TRIM51G: variants seen among roughly 807,000 people sequenced by gnomAD.
The protein encoded by TRIM51G is tripartite motif-containing 51G.
At chr11:48,977,166 G>T in the TRIM51G span, 29 of 1,320,060 alleles carry the variant, frequency 2.2e-5, no homozygotes, top group South Asian at 2.7e-4. Flanking sequence ...GACACTTGCA[G>T]CAGCAGGGAC....
chr11:48,976,963 C>G, the TRIM51G span: 10 of 571,052 alleles, frequency 1.8e-5, no homozygotes, highest in Non-Finnish European at 3.2e-5. Context: ...AGTGTTGTAT[C>G]GTCATATGGT....
chr11:48,976,059 G>A, the TRIM51G span: 5 of 390,422 alleles, frequency 1.3e-5, no homozygotes, highest in African/African-American at 6.3e-5. Context: ...GAATTCTTGA[G>A]GGAAAAGTTG....
chr11:48,975,883 G>T, the TRIM51G span: 2 of 840,848 alleles, frequency 2.4e-6, no homozygotes, highest in South Asian at 1.3e-5. Flanking sequence ...AAAACATTCA[G>T]ATTTATCAGT....
chr11:48,978,281 G>A, the TRIM51G span: 95,941 of 435,106 alleles, frequency 0.22, 12,568 homozygotes, highest in South Asian at 0.42. Context: ...CTCCTGGAAA[G>A]CATTTTCTGT....
the TRIM51G span, chr11:48,981,381 T>G: frequency 1.2e-6 from 2 of 1,607,790 alleles, no homozygotes; most frequent in Non-Finnish European, 1.7e-6. Context: ...TCTTGTCCAC[T>G]TCACAGAACA....
At chr11:48,981,033 G>A in the TRIM51G span, 5 of 655,602 alleles carry the variant, frequency 7.6e-6, no homozygotes, top group Non-Finnish European at 1.4e-5. Flanking sequence ...AAGCACAAGT[G>A]AAGACAATAA....
the TRIM51G span, among the ~76,000 whole-genome samples, chr11:48,976,779 G>C: frequency 6.6e-6 from 1 of 151,830 alleles, no homozygotes; most frequent in Non-Finnish European, 1.5e-5. Context: ...TGTAACCTTG[G>C]ATTATTAAGC....
the TRIM51G span, chr11:48,977,105 T>A: frequency 8.7e-7 from 1 of 1,155,084 alleles, no homozygotes; most frequent in Middle Eastern, 2.0e-4. Context: ...CTTGAGCCTG[T>A]CCATCAGTCC....
At chr11:48,982,394 T>TTA in the TRIM51G span, among the ~76,000 whole-genome samples, 4 of 152,098 alleles carry the variant, frequency 2.6e-5, no homozygotes, top group Non-Finnish European at 4.4e-5. Flanking sequence ...TTACAGTTAA[T>TTA]TATAGGTGTT....
chr11:48,983,253 A>G, the TRIM51G span, among the ~76,000 whole-genome samples: 13 of 137,876 alleles, frequency 9.4e-5, no homozygotes, highest in Non-Finnish European at 1.9e-4. Flanking sequence ...TTCCTTATAC[A>G]GTTATCTGCT....
At chr11:48,975,758 G>A in the TRIM51G span, 1 of 1,565,414 alleles carries the variant, frequency 6.4e-7, no homozygotes, top group Non-Finnish European at 8.8e-7. Flanking sequence ...ATGTCATTCT[G>A]TCTCTTCTCT....
chr11:48,981,240 T>C, the TRIM51G span: 2 of 1,598,852 alleles, frequency 1.3e-6, no homozygotes, highest in Non-Finnish European at 1.7e-6. Flanking sequence ...TGACAAGAAT[T>C]CCATGTGTCC....
chr11:48,981,739 T>C, the TRIM51G span: 23 of 1,564,590 alleles, frequency 1.5e-5, no homozygotes, highest in East Asian at 2.2e-5. Flanking sequence ...GGGTTCTGGG[T>C]TGGTGAAAAT....
chr11:48,982,685 A>G, the TRIM51G span, among the ~76,000 whole-genome samples: 35 of 151,890 alleles, frequency 2.3e-4, no homozygotes, highest in South Asian at 7.1e-3. Flanking sequence ...TCAACTTCTC[A>G]GACTCCATAA....
the TRIM51G span, chr11:48,978,939 TC>T: frequency 1.6e-5 from 25 of 1,590,178 alleles, no homozygotes; most frequent in South Asian, 2.5e-4. Context: ...TCTTAAAAGC[TC>T]CCTGGAATGT....
chr11:48,981,112 T>C, the TRIM51G span: 1 of 1,137,222 alleles, frequency 8.8e-7, no homozygotes, highest in Non-Finnish European at 1.3e-6. Flanking sequence ...GAAAATAGAG[T>C]TTGCTTTGTT....
the TRIM51G span, chr11:48,979,050 A>G: frequency 1.2e-4 from 111 of 925,764 alleles, 1 homozygote; most frequent in Non-Finnish European, 1.7e-4. Flanking sequence ...GAAAAATGCA[A>G]CCATCTTATG....
chr11:48,980,437 T>A, the TRIM51G span, among the ~76,000 whole-genome samples: 1 of 152,166 alleles, frequency 6.6e-6, no homozygotes, highest in Admixed American at 6.5e-5. Flanking sequence ...TTAGTTCTGA[T>A]ATTTAATTTC....
chr11:48,982,740 G>A, the TRIM51G span, among the ~76,000 whole-genome samples: 1 of 150,268 alleles, frequency 6.7e-6, no homozygotes, highest in Non-Finnish European at 1.5e-5. Flanking sequence ...CCTGTACAGT[G>A]TCATGTGTAG....
Sources: gnomAD v4.1 joint callset for allele counts (sites outside exome capture counted in the v4.1 genomes callset) on GRCh38, gnomAD v4.1.1 for gene constraint, MANE v1.5 for transcripts, NCBI Gene and HGNC (gene_info 2026-07-23, HGNC 2026-07-21) for gene names.